Variants in ENTPD4 observed in about 807,000 individuals in gnomAD.
ENTPD4 encodes the protein ectonucleoside triphosphate diphosphohydrolase 4.
Under a neutral mutation model 79.1 loss-of-function variants are expected in ENTPD4, and 60 were observed. The ratio of observed to expected loss-of-function variants is 0.76; its 90% CI spans 0.62 to 0.94. The LOEUF (loss-of-function observed/expected upper bound fraction) is 0.94. Ranked by LOEUF, ENTPD4 falls within the 40% of genes least tolerant of loss-of-function variation. The pLI is 0.00. For synonymous variants in ENTPD4, 276 were observed against 292.0 expected (o/e 0.95, Z 0.56); for missense variants, 772 against 775.1 (o/e 1.00, Z 0.05).
In ENTPD4 at chr8:23,430,627, T is replaced by C. The variant is rs1800437432; in HGVS notation, c.*2299A>G. On this transcript the variant is annotated 3_prime_UTR_variant, in exon 13 of 13. Coordinates refer to ENST00000358689, the MANE Select transcript of ENTPD4 (RefSeq NM_004901.5). ...TGTTTAAAAATGGCAAATCCACTAC[T>C]ACCTCTCAGCTGGAGCAATGAGGTT... The C allele has an allele frequency of 1.0e-6, 1 of 985,364 alleles. No individual in the cohort carries two copies. Among genetic ancestry groups the C allele is most frequent in the South Asian group, 4.7e-5 (1 of 21,298 alleles). The allele number at this position is 985,364 out of a possible 1,614,324, so 61.0% of individuals were successfully genotyped here.
intron 1 of ENTPD4, among the ~76,000 whole-genome samples, chr8:23,451,695 G>A (rs1387571816): frequency 2.6e-5 from 4 of 152,132 alleles, no homozygotes; most frequent in South Asian, 2.1e-4. Context: ...CCAATGTTCC[G>A]AGTGGTCTTC....
chr8:23,431,203 CT>C lies in ENTPD4; in HGVS notation c.*1722del. 2.3e-6 allele frequency: 1 copy of C among 444,264 alleles called. No individual in the cohort carries two copies. Among genetic ancestry groups the C allele is most frequent in the Non-Finnish European group, 3.0e-6 (1 of 336,054 alleles). 27.5% of individuals were successfully genotyped at this position (444,264 alleles called of 1,614,324 possible). A position where few individuals can be genotyped will look rare whatever the true frequency, so the allele number is the denominator to read the frequency against. ...ATGCTCAGTTCATGGCAATACAGGCCTTTTCTCTCCTGTTTCTCCAAACTCT... is the reference window on the plus strand; with the variant it reads ...ATGCTCAGTTCATGGCAATACAGGCCTTTCTCTCCTGTTTCTCCAAACTCT... On this transcript the variant is annotated 3_prime_UTR_variant, in exon 13 of 13. Transcript: ENST00000358689.
In ENTPD4 at chr8:23,431,951, C is replaced by T. The variant is rs1266332917; in HGVS notation, c.*975G>A. ...TCTAAATAAAATGTACCAGTAAATT[C>T]TGAAGTGTGTGTTTTTAAAGAACCA... On this transcript the variant is annotated 3_prime_UTR_variant, in exon 13 of 13. Transcript: ENST00000358689. 3.0e-6 allele frequency: 3 copies of T among 985,396 alleles called. No homozygotes were observed. Among genetic ancestry groups the T allele is most frequent in the East Asian group, 2.3e-4 (2 of 8,818 alleles). 61.0% of individuals were successfully genotyped at this position (985,396 alleles called of 1,614,324 possible). A position where few individuals can be genotyped will look rare whatever the true frequency, so the allele number is the denominator to read the frequency against.
At chr8:23,452,122 T>A (rs1317022380) in intron 1 of ENTPD4, among the ~76,000 whole-genome samples, 1 of 152,226 alleles carries the variant, frequency 6.6e-6, no homozygotes, top group Non-Finnish European at 1.5e-5. Flanking sequence ...GATGCAAGTG[T>A]GAGAATCCAC....
intron 9 of ENTPD4, among the ~76,000 whole-genome samples, chr8:23,439,311 G>C (rs994392266): frequency 6.6e-5 from 10 of 152,208 alleles, no homozygotes; most frequent in African/African-American, 2.2e-4. Flanking sequence ...TAGCTGCACT[G>C]GCTGCTTCAT....
intron 4 of ENTPD4, among the ~76,000 whole-genome samples, chr8:23,446,603 C>G (rs185172211): frequency 6.6e-6 from 1 of 152,132 alleles, no homozygotes; most frequent in Non-Finnish European, 1.5e-5. Flanking sequence ...AAGTGAGGTA[C>G]AGACTTTAGA....
rs767171536 is a variant in ENTPD4 at position 23,433,000 on chromosome 8, G to T, written c.1777C>A (p.Pro593Thr). The T allele has an allele frequency of 6.2e-7, 1 of 1,613,978 alleles. No homozygotes were observed. Among genetic ancestry groups the T allele is most frequent in the Admixed American group, 1.7e-5 (1 of 60,008 alleles). Residue 593 changes from proline (P) to threonine (T), a missense_variant, in exon 13 of 13, where the codon CCC (proline) becomes ACC (threonine). Coordinates refer to ENST00000358689, the MANE Select transcript of ENTPD4 (RefSeq NM_004901.5). ...LRLRRIHRRT[P>T]RSSSAAALWM... ...AGGGCGGCGGCCGAGCTGCTCCGGGGAGTGCGCCTGTGGATGCGCCGCAGC... is the reference window on the plus strand; with the variant it reads ...AGGGCGGCGGCCGAGCTGCTCCGGGTAGTGCGCCTGTGGATGCGCCGCAGC...
intron 6 of ENTPD4, among the ~76,000 whole-genome samples, chr8:23,442,700 A>C (rs186514844): frequency 6.6e-6 from 1 of 152,000 alleles, no homozygotes; most frequent in Non-Finnish European, 1.5e-5. Flanking sequence ...AAAAAATTCA[A>C]GGTATCTTCT....
intron 1 of ENTPD4, among the ~76,000 whole-genome samples, chr8:23,452,808 C>G (rs1044493855): frequency 6.6e-6 from 1 of 152,238 alleles, no homozygotes; most frequent in Non-Finnish European, 1.5e-5. Context: ...TCCTAAGAAT[C>G]AATGCTGACA....
intron 3 of ENTPD4, 90 bp downstream of exon 3, chr8:23,448,652 C>T: frequency 1.9e-6 from 2 of 1,033,680 alleles, no homozygotes; most frequent in Admixed American, 4.2e-5. Flanking sequence ...ATAAGCCACC[C>T]AGTCTATGGA....
intron 1 of ENTPD4, 123 bp from the exon 2 acceptor site, chr8:23,450,120 TGGAA>T (rs1800833355): frequency 1.7e-6 from 1 of 594,420 alleles, no homozygotes; most frequent in Non-Finnish European, 3.0e-6. Context: ...CTGAAGCTGT[TGGAA>T]GGGTTTATTC....
Position 23,429,257 on chromosome 8 carries a change from C to T in ENTPD4, c.*3669G>A, listed in dbSNP as rs1800415122. 1.0e-6 allele frequency: 1 copy of T among 985,304 alleles called. No homozygotes were observed. Among genetic ancestry groups the T allele is most frequent in the African/African-American group, 1.7e-5 (1 of 57,214 alleles). 61.0% of individuals were successfully genotyped at this position (985,304 alleles called of 1,614,324 possible). ...GCAAGTGACATGACACCAAAAGGACCTTCCGAGAGTATTATTCTTACTTTG... is the reference window on the plus strand; with the variant it reads ...GCAAGTGACATGACACCAAAAGGACTTTCCGAGAGTATTATTCTTACTTTG... On this transcript the variant is annotated 3_prime_UTR_variant, in exon 13 of 13. Transcript: ENST00000358689.
In ENTPD4 at chr8:23,434,462, A is replaced by G; in HGVS notation, c.1477T>C (p.Ser493Pro). ...TGAAACACCTCAAACATCCAGGCCG[A>G]TTTGAAGCACTGATACCTACAAACG... The part of the protein sequence containing the change: ...LHRLKYQCFK[S>P]AWMFEVFHRG... The change falls in exon 12 of 13, where the codon TCG becomes CCG. Residue 493 changes from serine (S) to proline (P), a missense_variant. Physicochemically the swap from Ser to Pro is moderately conservative, Grantham distance 74. Coordinates refer to ENST00000358689, the MANE Select transcript of ENTPD4 (RefSeq NM_004901.5). The G allele has an allele frequency of 6.2e-7, 1 of 1,614,126 alleles. No homozygotes were observed. Among genetic ancestry groups the G allele is most frequent in the Non-Finnish European group, 8.5e-7 (1 of 1,180,020 alleles).
In ENTPD4 at chr8:23,436,711, G is replaced by C. The variant is rs150973421; in HGVS notation, c.1374+223C>G. The stretch of plus-strand genomic sequence containing the variant: ...TAATTTGGAGCTAACTGATGACCAG[G>C]GTAGCTAATGGAGTGGTGCAGAAGT... On this transcript the variant is annotated intron_variant, in intron 10 of 12. Transcript: ENST00000358689. Among the ~76,000 whole-genome samples, 28 of 152,254 alleles carry C rather than the reference G, an allele frequency of 1.8e-4. No individual in the cohort carries two copies. In the East Asian group the frequency reaches 5.4e-3, roughly 29 times the overall value.
At chr8:23,440,584 G>T (rs1305950003) in intron 8 of ENTPD4, among the ~76,000 whole-genome samples, 2 of 152,142 alleles carry the variant, frequency 1.3e-5, no homozygotes, top group Admixed American at 1.3e-4. Flanking sequence ...GAGTGTAACA[G>T]TCTCTAGAGG....
Position 23,449,888 on chromosome 8 carries a change from C to T in ENTPD4, c.8+5G>A. On this transcript the variant is annotated splice_donor_5th_base_variant and intron_variant, in intron 2 of 12. Transcript: ENST00000358689. ...TGTTTCATGGTGATTAGGCCCATCA[C>T]TTACCTCCCCATACTGAAAGGTCAG... 3.7e-6 allele frequency: 6 copies of T among 1,612,778 alleles called. No homozygotes were observed. Among genetic ancestry groups the T allele is most frequent in the Non-Finnish European group, 4.2e-6 (5 of 1,178,740 alleles).
At chr8:23,455,885 C>T (rs192609132) in intron 1 of ENTPD4, among the ~76,000 whole-genome samples, 54 of 152,342 alleles carry the variant, frequency 3.5e-4, no homozygotes, top group African/African-American at 1.2e-3. Context: ...TTGATTCCCA[C>T]ATCCGGTGTT....
chr8:23,439,705 A>G, intron 9 of ENTPD4, 44 bp downstream of exon 9: 1 of 1,594,092 alleles, frequency 6.3e-7, no homozygotes, highest in South Asian at 1.1e-5. Flanking sequence ...ATGAGGAGAG[A>G]CCTAGGTTTG....
At chr8:23,434,708 C>T (rs898529935) in intron 11 of ENTPD4, 4 of 1,358,274 alleles carry the variant, frequency 2.9e-6, no homozygotes, top group African/African-American at 1.5e-5. Flanking sequence ...TGCATGAACC[C>T]GGTCTCGGCA....
Sources: gnomAD v4.1 joint callset for allele counts (sites outside exome capture counted in the v4.1 genomes callset) on GRCh38, gnomAD v4.1.1 for gene constraint, MANE v1.5 for transcripts, NCBI Gene and HGNC (gene_info 2026-07-23, HGNC 2026-07-21) for gene names.